The following RCAN2 variants were observed in gnomAD, a reference collection of about 807,000 sequenced individuals.
RCAN2 encodes regulator of calcineurin 2.
In RCAN2, 9 loss-of-function variants were observed where a neutral mutation model predicts 23.6. That is an observed-to-expected ratio of 0.38 (90% CI 0.23 to 0.67). The LOEUF is 0.67. RCAN2 is among the 30% of genes least tolerant of loss of function. RCAN2 has a pLI of 0.51. For missense variants in RCAN2, 273 were observed against 302.3 expected, an observed-to-expected ratio of 0.90 and a Z score of 0.72; for synonymous variants, 109 against 115.7, an observed-to-expected ratio of 0.94 and a Z score of 0.37.
chr6:46,384,803 T>C (rs541173869), intron 2 of RCAN2, among the ~76,000 whole-genome samples: 72 of 147,212 alleles, frequency 4.9e-4, no homozygotes, highest in African/African-American at 1.7e-3. Flanking sequence ...TACAAGGGAC[T>C]TTTCTGGAGA....
chr6:46,338,299 C>A (rs962164046), intron 2 of RCAN2, among the ~76,000 whole-genome samples: 1 of 152,140 alleles, frequency 6.6e-6, no homozygotes, highest in Non-Finnish European at 1.5e-5. Flanking sequence ...CTGGAACCCT[C>A]CCAATGCTGT....
chr6:46,490,377 G>A (rs988269746), intron 1 of RCAN2, among the ~76,000 whole-genome samples: 3 of 152,218 alleles, frequency 2.0e-5, no homozygotes, highest in Non-Finnish European at 2.9e-5. Context: ...AAACAGGAAA[G>A]ATTCAAAGCA....
At chr6:46,402,934 A>C (rs1766294056) in intron 2 of RCAN2, among the ~76,000 whole-genome samples, 3 of 151,732 alleles carry the variant, frequency 2.0e-5, no homozygotes, top group Admixed American at 1.3e-4. Flanking sequence ...GGCCCCTACA[A>C]CACACATACT....
chr6:46,436,348 G>C (rs977472117), intron 2 of RCAN2, among the ~76,000 whole-genome samples: 8 of 152,220 alleles, frequency 5.3e-5, no homozygotes, highest in African/African-American at 1.7e-4. Flanking sequence ...GAGTAGCTGG[G>C]ATTACAGGCG....
chr6:46,402,577 T>A (rs1027636230), intron 2 of RCAN2, among the ~76,000 whole-genome samples: 4 of 152,168 alleles, frequency 2.6e-5, no homozygotes, highest in African/African-American at 9.7e-5. Flanking sequence ...CTTATTTGAC[T>A]GTAGGTCATA....
intron 4 of RCAN2, among the ~76,000 whole-genome samples, chr6:46,245,384 G>T (rs948143499): frequency 6.6e-6 from 1 of 152,130 alleles, no homozygotes; most frequent in African/African-American, 2.4e-5. Flanking sequence ...TCTTAATCTA[G>T]GTACCTGGTA....
intron 2 of RCAN2, among the ~76,000 whole-genome samples, chr6:46,305,918 C>CT (rs756724125): frequency 3.2e-3 from 463 of 142,780 alleles, no homozygotes; most frequent in Middle Eastern, 7.2e-3. Context: ...TGCTGAAGAC[C>CT]TTTTTTTTTT....
At chr6:46,435,994 T>C (rs144894280) in intron 2 of RCAN2, among the ~76,000 whole-genome samples, 153 of 152,350 alleles carry the variant, frequency 1.0e-3, no homozygotes, top group African/African-American at 3.5e-3. Context: ...TGTTCAAGAC[T>C]CTGTACGCAG....
chr6:46,319,848 G>A (rs1468720572), intron 2 of RCAN2, among the ~76,000 whole-genome samples: 2 of 152,096 alleles, frequency 1.3e-5, no homozygotes, highest in African/African-American at 4.8e-5. Flanking sequence ...TTGCTGGAGG[G>A]TTAGAATCTG....
chr6:46,349,548 G>T (rs1764584720), intron 2 of RCAN2, among the ~76,000 whole-genome samples: 1 of 151,356 alleles, frequency 6.6e-6, no homozygotes, highest in Admixed American at 6.6e-5. Flanking sequence ...TGCATGTTCT[G>T]CACATGTATC....
intron 1 of RCAN2, among the ~76,000 whole-genome samples, chr6:46,457,662 C>CCA (rs370713492): frequency 1.9e-3 from 296 of 151,996 alleles, no homozygotes; most frequent in African/African-American, 6.8e-3. Flanking sequence ...AGTAAACACA[C>CCA]CACACACACA....
In RCAN2 at chr6:46,365,794, G is replaced by A. The variant is rs534119191; in HGVS notation, c.225+90958C>T. ...TTGCTCTTAGCTAGTTATTTGATGA[G>A]CAAACAATTAATTGACTATAGTTTA... On this transcript the variant is annotated intron_variant, in intron 2 of 4. Coordinates refer to ENST00000371374, the MANE Select transcript of RCAN2 (RefSeq NM_001251974.2). Among the ~76,000 whole-genome samples, 32 of 152,234 alleles carry A rather than the reference G, an allele frequency of 2.1e-4. 1 individual carries two copies. In the South Asian group the frequency reaches 5.6e-3, roughly 27 times the overall value.
intron 4 of RCAN2, among the ~76,000 whole-genome samples, chr6:46,228,369 G>T (rs1381529976): frequency 1.3e-5 from 2 of 152,172 alleles, no homozygotes; most frequent in Non-Finnish European, 2.9e-5. Context: ...AATGTTGACA[G>T]TGGGGTGTTA....
At chr6:46,426,257 T>A (rs1471741359) in intron 2 of RCAN2, among the ~76,000 whole-genome samples, 1 of 152,208 alleles carries the variant, frequency 6.6e-6, no homozygotes, top group East Asian at 1.9e-4. Flanking sequence ...ATTTAATTAT[T>A]CTTTTATTGC....
intron 2 of RCAN2, among the ~76,000 whole-genome samples, chr6:46,445,709 A>C (rs1410635018): frequency 8.5e-5 from 13 of 152,220 alleles, no homozygotes; most frequent in Non-Finnish European, 1.8e-4. Context: ...AACAATAAGC[A>C]ACCAAAATAC....
chr6:46,350,388 G>A (rs1764611354), intron 2 of RCAN2, among the ~76,000 whole-genome samples: 1 of 152,194 alleles, frequency 6.6e-6, no homozygotes, highest in African/African-American at 2.4e-5. Context: ...CTGGATAGAG[G>A]TGTCCAGAGA....
At chr6:46,302,471 T>A (rs1762931885) in intron 2 of RCAN2, among the ~76,000 whole-genome samples, 1 of 152,102 alleles carries the variant, frequency 6.6e-6, no homozygotes, top group African/African-American at 2.4e-5. Context: ...TCTGCAATTT[T>A]GTTGTTTAGA....
At chr6:46,460,594 C>T (rs2150435160) in intron 1 of RCAN2, among the ~76,000 whole-genome samples, 1 of 152,242 alleles carries the variant, frequency 6.6e-6, no homozygotes. Context: ...AGCACCTGCA[C>T]AGCCTTTTCT....
intron 2 of RCAN2, among the ~76,000 whole-genome samples, chr6:46,295,285 G>A (rs1762690898): frequency 6.6e-6 from 1 of 152,100 alleles, no homozygotes; most frequent in East Asian, 1.9e-4. Context: ...CTGGGCCTGA[G>A]ACAGAGACAG....
Sources: gnomAD v4.1 joint callset for allele counts (sites outside exome capture counted in the v4.1 genomes callset) on GRCh38, gnomAD v4.1.1 for gene constraint, MANE v1.5 for transcripts, NCBI Gene and HGNC (gene_info 2026-07-23, HGNC 2026-07-21) for gene names.